Variants in CELF2 observed in about 807,000 individuals in gnomAD.
CELF2 encodes CUG triplet repeat RNA-binding protein 2.
Under a neutral mutation model 62.6 loss-of-function variants are expected in CELF2, and 8 were observed. The observed-to-expected ratio is 0.13, with a 90% confidence interval of 0.07 to 0.23. The LOEUF is 0.23. Among genes scored for constraint, CELF2 ranks in the 10% least tolerant of loss-of-function variants. The pLI, the probability that CELF2 is intolerant of heterozygous loss-of-function variation, is 1.00. For missense variants in CELF2, 333 were observed against 671.0 expected (o/e 0.50, Z 5.56); for synonymous variants, 258 against 250.0 (o/e 1.03, Z -0.30).
At position 10,871,036 on chromosome 10, in the gene CELF2, C is replaced by T. The variant is rs1398218725; in HGVS notation, c.54-48928C>T. On this transcript the variant is annotated intron_variant, in intron 1 of 13. Coordinates refer to the CELF2 transcript ENST00000636488. ...TGCTGTTGCGCCATAAATAATTGAA[C>T]AGTCTCTTCCAGGCAACACAGTCAA... Among the ~76,000 whole-genome samples the T allele has an allele frequency of 2.6e-5, 4 of 151,346 alleles. No individual in the cohort carries two copies. The South Asian group carries it at 6.3e-4, about 24-fold the overall frequency.
In CELF2 at chr10:11,165,816, C is replaced by T. The variant is rs2066931044; in HGVS notation, c.271+134C>T. The stretch of plus-strand genomic sequence containing the variant: ...TGGAAGCAGCCGGTGCTGGCGGCCC[C>T]TGTGCTCCAGGGGCTGCTCCCGACT... On this transcript the variant is annotated intron_variant, in intron 2 of 12. Transcript: ENST00000633077. The surrounding 1 kb of genome is among the most constrained non-coding windows in gnomAD (Gnocchi z 7.4). 4 of 840,988 alleles carry T rather than the reference C, an allele frequency of 4.8e-6. No individual in the cohort carries two copies. The highest frequency in any genetic ancestry group is 5.4e-6 in the Non-Finnish European group (3 of 559,200). 52.1% of individuals were successfully genotyped at this position (840,988 alleles called of 1,614,324 possible).
the CELF2 span, among the ~76,000 whole-genome samples, chr10:10,725,851 G>A: frequency 6.6e-6 from 1 of 150,738 alleles, no homozygotes; most frequent in Non-Finnish European, 1.5e-5. Context: ...TATTTATTTT[G>A]CCATACCGAT....
the CELF2 span, among the ~76,000 whole-genome samples, chr10:10,482,283 T>C: frequency 1.3e-5 from 2 of 152,216 alleles, no homozygotes; most frequent in African/African-American, 4.8e-5. Flanking sequence ...ATAAAATGTA[T>C]AGAGTGTATG....
chr10:11,262,718 T>G (rs952775099), intron 5 of CELF2, among the ~76,000 whole-genome samples: 3 of 152,214 alleles, frequency 2.0e-5, no homozygotes, highest in African/African-American at 7.2e-5. Flanking sequence ...ATGTTTAACG[T>G]TGCTACTGCT....
chr10:10,728,201 G>A, the CELF2 span, among the ~76,000 whole-genome samples: 1 of 151,804 alleles, frequency 6.6e-6, no homozygotes, highest in Admixed American at 6.6e-5. Flanking sequence ...AGCACTTTGG[G>A]AGGCTGAGGT....
chr10:10,771,148 A>G, the CELF2 span, among the ~76,000 whole-genome samples: 1 of 152,054 alleles, frequency 6.6e-6, no homozygotes, highest in African/African-American at 2.4e-5. Flanking sequence ...TCTCTTCCCC[A>G]TCTTCTGATT....
the CELF2 span, among the ~76,000 whole-genome samples, chr10:10,464,402 C>T: frequency 4.2e-5 from 6 of 141,560 alleles, no homozygotes; most frequent in Middle Eastern, 3.7e-3. Context: ...GAGCTAAACG[C>T]AAGTCAAACC....
At chr10:10,676,286 G>A in the CELF2 span, among the ~76,000 whole-genome samples, 1 of 152,126 alleles carries the variant, frequency 6.6e-6, no homozygotes, top group Non-Finnish European at 1.5e-5. Flanking sequence ...GCTGGAAATG[G>A]GTATTTCCCT....
the CELF2 span, among the ~76,000 whole-genome samples, chr10:10,756,164 G>A: frequency 3.3e-5 from 5 of 152,218 alleles, no homozygotes; most frequent in African/African-American, 4.8e-5. Flanking sequence ...ATGGTGGCCC[G>A]CCAAAAATAA....
chr10:10,982,401 G>A (rs935851780), intron 2 of CELF2, among the ~76,000 whole-genome samples: 5 of 152,086 alleles, frequency 3.3e-5, no homozygotes, highest in South Asian at 4.1e-4. Context: ...TTTGTAAACC[G>A]ACAAAAGAAA....
chr10:10,781,148 A>T, the CELF2 span, among the ~76,000 whole-genome samples: 1 of 152,240 alleles, frequency 6.6e-6, no homozygotes, highest in Non-Finnish European at 1.5e-5. Flanking sequence ...AATAGTACAT[A>T]CAGTCTTGCA....
chr10:10,682,325 A>G, the CELF2 span, among the ~76,000 whole-genome samples: 45 of 152,342 alleles, frequency 3.0e-4, no homozygotes, highest in East Asian at 5.8e-4. Flanking sequence ...CACAAAATTA[A>G]TCTCAGTTGT....
In CELF2 at chr10:11,255,214, C is replaced by T. The variant is rs182949083; in HGVS notation, c.404-2524C>T. On this transcript the variant is annotated intron_variant, in intron 4 of 12. Transcript: ENST00000633077. The surrounding 1 kb of genome is among the most constrained non-coding windows in gnomAD (Gnocchi z 5.5). ...ACTTGAATTAGAAGTTTTCCGTCAG[C>T]GTACAGGAGGTCAGGTCCTCAGCAG... is the stretch of plus-strand genomic sequence containing the variant. Among the ~76,000 whole-genome samples, 6 of 152,330 alleles carry T rather than the reference C, an allele frequency of 3.9e-5. No individual in the cohort carries two copies. Among genetic ancestry groups the T allele is most frequent in the Admixed American group, 2.0e-4 (3 of 15,310 alleles).
In CELF2 at chr10:11,328,407, A is replaced by G. The variant is rs2095865400; in HGVS notation, c.1439-519A>G. On this transcript the variant is annotated intron_variant, in intron 12 of 12. Transcript: ENST00000633077. The surrounding 1 kb of genome is among the most constrained non-coding windows in gnomAD (Gnocchi z 6.4). Reference sequence around the variant, plus strand: ...GTAGGCTCTGTGTGACAGACGATGGAGAGCTCGAGTGACAGGCTGGGGCTT... The same window carrying G: ...GTAGGCTCTGTGTGACAGACGATGGGGAGCTCGAGTGACAGGCTGGGGCTT... 6.6e-6 allele frequency among the ~76,000 whole-genome samples: 1 copy of G among 152,012 alleles called. No homozygotes were observed. Among genetic ancestry groups the G allele is most frequent in the Non-Finnish European group, 1.5e-5 (1 of 67,982 alleles).
chr10:10,599,233 G>A, the CELF2 span, among the ~76,000 whole-genome samples: 1 of 152,122 alleles, frequency 6.6e-6, no homozygotes, highest in South Asian at 2.1e-4. Flanking sequence ...GACTTCAATT[G>A]AAATTTTGGC....
At chr10:10,497,732 T>C in the CELF2 span, among the ~76,000 whole-genome samples, 6 of 152,086 alleles carry the variant, frequency 3.9e-5, no homozygotes, top group Non-Finnish European at 7.4e-5. Flanking sequence ...AGGAGGCTGG[T>C]GTGACTGGGT....
chr10:10,563,106 T>C, the CELF2 span, among the ~76,000 whole-genome samples: 2 of 152,104 alleles, frequency 1.3e-5, no homozygotes, highest in Non-Finnish European at 1.5e-5. Context: ...CCATAGGATC[T>C]CTGGAGGAGA....
intron 1 of CELF2, among the ~76,000 whole-genome samples, chr10:11,042,473 G>C (rs888956595): frequency 6.6e-6 from 1 of 152,172 alleles, no homozygotes; most frequent in South Asian, 2.1e-4. Flanking sequence ...TTCTGACAGC[G>C]TAAGACTTTA....
intron 1 of CELF2, among the ~76,000 whole-genome samples, chr10:11,024,982 A>G (rs1379427249): frequency 6.6e-6 from 1 of 152,162 alleles, no homozygotes; most frequent in Non-Finnish European, 1.5e-5. Flanking sequence ...TGCTTTTTCT[A>G]AAGAAAGTTC....
Sources: allele counts gnomAD v4.1 joint callset (sites outside exome capture counted in the v4.1 genomes callset), GRCh38; gene constraint gnomAD v4.1.1; non-coding constraint Gnocchi (gnomAD v3.1); transcripts MANE v1.5; gene names NCBI Gene and HGNC (gene_info 2026-07-23, HGNC 2026-07-21).